Variants in ST6GALNAC3 observed in about 807,000 individuals in gnomAD.
The protein encoded by ST6GALNAC3 is ST6 N-acetylgalactosaminide alpha-2,6-sialyltransferase 3, also known as alpha-N-acetylgalactosaminide alpha-2,6-sialyltransferase 3.
Under a neutral mutation model 32.7 loss-of-function variants are expected in ST6GALNAC3, and 25 were observed. That is an observed-to-expected ratio of 0.76 (90% CI 0.56 to 1.07). The LOEUF (loss-of-function observed/expected upper bound fraction) is 1.07. Among genes scored for constraint, ST6GALNAC3 ranks in the 50% least tolerant of loss-of-function variants. The pLI, the probability that ST6GALNAC3 is intolerant of heterozygous loss-of-function variation, is 0.00. For synonymous variants in ST6GALNAC3, 129 were observed against 133.1 expected (o/e 0.97, Z 0.21); for missense variants, 355 against 382.4 (o/e 0.93, Z 0.60).
intron 2 of ST6GALNAC3, among the ~76,000 whole-genome samples, chr1:76,365,162 A>G (rs1158487221): frequency 2.0e-5 from 3 of 152,340 alleles, no homozygotes; most frequent in Non-Finnish European, 2.9e-5. Flanking sequence ...AAATGAAACC[A>G]TGTACTTTGC....
intron 1 of ST6GALNAC3, among the ~76,000 whole-genome samples, chr1:76,111,747 GGT>G (rs1181481356): frequency 4.7e-5 from 7 of 149,722 alleles, no homozygotes; most frequent in Non-Finnish European, 7.4e-5. Flanking sequence ...GAGAGCACAG[GGT>G]TGGGGGTAAG....
chr1:76,503,218 T>C (rs74089978), intron 3 of ST6GALNAC3, among the ~76,000 whole-genome samples: 6,159 of 152,236 alleles, frequency 0.04, 400 homozygotes, highest in African/African-American at 0.14. Context: ...AACACCTCTC[T>C]CAGAGCTCAC....
intron 1 of ST6GALNAC3, among the ~76,000 whole-genome samples, chr1:76,214,264 T>G (rs954651807): frequency 2.6e-5 from 4 of 152,214 alleles, no homozygotes; most frequent in African/African-American, 9.6e-5. Flanking sequence ...GTTGCCATAC[T>G]GGACAGCACA....
intron 2 of ST6GALNAC3, among the ~76,000 whole-genome samples, chr1:76,391,505 G>A (rs956330537): frequency 3.3e-5 from 5 of 151,372 alleles, no homozygotes; most frequent in East Asian, 3.9e-4. Context: ...GAAACAAATC[G>A]TAAGCCATTA....
chr1:76,546,532 T>G (rs1329852532), intron 3 of ST6GALNAC3, among the ~76,000 whole-genome samples: 1 of 152,152 alleles, frequency 6.6e-6, no homozygotes, highest in Admixed American at 6.5e-5. Context: ...GCAACAGAAA[T>G]AAAATGCAAA....
At chr1:76,552,983 A>G (rs1664725314) in intron 3 of ST6GALNAC3, among the ~76,000 whole-genome samples, 1 of 152,158 alleles carries the variant, frequency 6.6e-6, no homozygotes, top group Non-Finnish European at 1.5e-5. Context: ...GAGTCTCTTG[A>G]GTTTATCATG....
At chr1:76,105,782 A>G (rs1347274873) in intron 1 of ST6GALNAC3, among the ~76,000 whole-genome samples, 2 of 152,244 alleles carry the variant, frequency 1.3e-5, no homozygotes, top group Non-Finnish European at 2.9e-5. Flanking sequence ...GCCCTATAAA[A>G]TACATCCTGG....
chr1:76,248,696 CTT>C (rs1657446047), intron 1 of ST6GALNAC3, among the ~76,000 whole-genome samples: 1 of 152,130 alleles, frequency 6.6e-6, no homozygotes, highest in Non-Finnish European at 1.5e-5. Context: ...CATATCTCCT[CTT>C]GTCTTCTCTC....
chr1:76,317,029 C>T (rs1347639702), intron 2 of ST6GALNAC3, among the ~76,000 whole-genome samples: 1 of 152,098 alleles, frequency 6.6e-6, no homozygotes, highest in Non-Finnish European at 1.5e-5. Flanking sequence ...GCATGATAGA[C>T]CCCATATTGC....
intron 3 of ST6GALNAC3, among the ~76,000 whole-genome samples, chr1:76,487,742 C>T (rs1660220898): frequency 6.6e-6 from 1 of 152,192 alleles, no homozygotes; most frequent in Non-Finnish European, 1.5e-5. Context: ...AGTCATTCTC[C>T]ATCCACCTTT....
intron 3 of ST6GALNAC3, among the ~76,000 whole-genome samples, chr1:76,608,238 G>A (rs1647687392): frequency 2.6e-5 from 4 of 152,110 alleles, no homozygotes; most frequent in African/African-American, 9.7e-5. Flanking sequence ...AATGAATTTA[G>A]AAAATACTTC....
intron 1 of ST6GALNAC3, among the ~76,000 whole-genome samples, chr1:76,162,218 T>G (rs1445788181): frequency 6.6e-6 from 1 of 152,216 alleles, no homozygotes; most frequent in East Asian, 1.9e-4. Flanking sequence ...TGGGTTATTG[T>G]GAGAATAAAT....
At chr1:76,413,513 T>C (rs1424106496) in intron 3 of ST6GALNAC3, among the ~76,000 whole-genome samples, 3 of 152,150 alleles carry the variant, frequency 2.0e-5, no homozygotes, top group Non-Finnish European at 4.4e-5. Context: ...GTGCAGTTTC[T>C]GATATCTCTG....
intron 1 of ST6GALNAC3, among the ~76,000 whole-genome samples, chr1:76,150,876 A>G (rs1185948740): frequency 6.6e-6 from 1 of 152,094 alleles, no homozygotes; most frequent in African/African-American, 2.4e-5. Context: ...AGGCAAGCCT[A>G]TTTCTGCCAA....
chr1:76,534,015 G>GT (rs1415817062), intron 3 of ST6GALNAC3, among the ~76,000 whole-genome samples: 1 of 151,850 alleles, frequency 6.6e-6, no homozygotes, highest in Non-Finnish European at 1.5e-5. Flanking sequence ...AATTTCATCT[G>GT]TTTTTTACTT....
rs148722130 is a variant in ST6GALNAC3 at position 76,394,094 on chromosome 1, G to A, written c.214-17914G>A. On this transcript the variant is annotated intron_variant, in intron 2 of 4. Coordinates refer to ENST00000328299, the MANE Select transcript of ST6GALNAC3 (RefSeq NM_152996.4). ...GTTGAATTTTACCTCAAGTTACTAT[G>A]GGATAGATAGGGAGGCTGCTCTTGG... Among the ~76,000 whole-genome samples the A allele has an allele frequency of 4.4e-3, 669 of 152,268 alleles. 6 individuals carry two copies. Among genetic ancestry groups the A allele is most frequent in the African/African-American group, 0.015 (636 of 41,550 alleles).
chr1:76,365,385 T>G (rs1027426965), intron 2 of ST6GALNAC3, among the ~76,000 whole-genome samples: 12 of 152,316 alleles, frequency 7.9e-5, no homozygotes, highest in Middle Eastern at 6.8e-3. Flanking sequence ...GTGTTCACTA[T>G]TTGAGTGATG....
intron 1 of ST6GALNAC3, among the ~76,000 whole-genome samples, chr1:76,163,529 G>A (rs1651937020): frequency 6.6e-6 from 1 of 152,072 alleles, no homozygotes; most frequent in Admixed American, 6.6e-5. Flanking sequence ...AAAAAATGAG[G>A]ATAGTACCAT....
intron 3 of ST6GALNAC3, among the ~76,000 whole-genome samples, chr1:76,513,861 G>T (rs1336773485): frequency 6.6e-6 from 1 of 152,022 alleles, no homozygotes; most frequent in Non-Finnish European, 1.5e-5. Flanking sequence ...TTTCAGTGTA[G>T]AGATCTATCA....
Sources: gnomAD v4.1 joint callset for allele counts (sites outside exome capture counted in the v4.1 genomes callset) on GRCh38, gnomAD v4.1.1 for gene constraint, MANE v1.5 for transcripts, NCBI Gene and HGNC (gene_info 2026-07-23, HGNC 2026-07-21) for gene names.